KIF15: variants seen among roughly 807,000 people sequenced by gnomAD.
KIF15 encodes kinesin family member 15, also known as kinesin-like protein KIF15.
In KIF15, 140 loss-of-function variants were observed where a neutral mutation model predicts 190.6. That is an observed-to-expected ratio of 0.73 (90% CI 0.64 to 0.84). The LOEUF is 0.84. Ranked by LOEUF, KIF15 falls within the 40% of genes least tolerant of loss-of-function variation. KIF15 has a pLI of 0.00. For synonymous variants in KIF15, 528 were observed against 551.3 expected (o/e 0.96, Z 0.59); for missense variants, 1,372 against 1,584.4 (o/e 0.87, Z 2.28).
chr3:44,786,395 G>T lies in KIF15; in HGVS notation c.460G>T (p.Ala154Ser), dbSNP rs1218308723. ...FSLIDREKEK[A>S]GAGKSFLCKC... ...TCTAAATGAGGCTTCTTTTTTACAGGCTGGAGCTGGAAAGAGTTTCCTTTG... is the reference window on the plus strand; with the variant it reads ...TCTAAATGAGGCTTCTTTTTTACAGTCTGGAGCTGGAAAGAGTTTCCTTTG... The change falls in exon 7 of 35, where the codon GCT becomes TCT. Residue 154 changes from alanine to serine, a missense_variant and splice_region_variant. By Grantham distance (99) the Ala-to-Ser change is moderately conservative. Coordinates refer to ENST00000326047, the MANE Select transcript of KIF15 (RefSeq NM_020242.3). 1 of 1,602,100 alleles carries T rather than the reference G, an allele frequency of 6.2e-7. No homozygotes were observed. Among genetic ancestry groups the T allele is most frequent in the Non-Finnish European group, 8.5e-7 (1 of 1,171,866 alleles).
At chr3:44,835,401 G>A (rs1698262110) in intron 26 of KIF15, among the ~76,000 whole-genome samples, 2 of 152,072 alleles carry the variant, frequency 1.3e-5, no homozygotes, top group Middle Eastern at 3.4e-3. Flanking sequence ...CACCACGCCT[G>A]GCTAATTTTT....
At chr3:44,848,629 C>A in intron 32 of KIF15, 71 bp downstream of exon 32, 3 of 680,176 alleles carry the variant, frequency 4.4e-6, no homozygotes, top group Non-Finnish European at 4.8e-6. Context: ...GAATGATATA[C>A]CACAAGGTAG....
Position 44,813,673 on chromosome 3 carries a change from C to G in KIF15, c.2383+493C>G, listed in dbSNP as rs183826543. The stretch of plus-strand genomic sequence containing the variant: ...GTGGAGTCTTGCTTTGTCACCCAGG[C>G]TGGAGCGCAGTGGCGGGATCTCGGC... On this transcript the variant is annotated intron_variant, in intron 19 of 34. Coordinates refer to ENST00000326047, the MANE Select transcript of KIF15 (RefSeq NM_020242.3). Among the ~76,000 whole-genome samples, 828 of 138,516 alleles carry G rather than the reference C, an allele frequency of 6.0e-3. 3 individuals carry two copies. Among genetic ancestry groups the G allele is most frequent in the Middle Eastern group, 0.028 (6 of 212 alleles). 90.9% of individuals were successfully genotyped at this position (138,516 alleles called of 152,430 possible). A position where few individuals can be genotyped will look rare whatever the true frequency, so the allele number is the denominator to read the frequency against.
rs375356443 is a variant in KIF15, at chr3:44,775,403, C to T, written c.212C>T (p.Thr71Met). 3.6e-5 allele frequency: 58 copies of T among 1,612,838 alleles called. No homozygotes were observed. Among genetic ancestry groups the T allele is most frequent in the Non-Finnish European group, 4.6e-5 (54 of 1,179,552 alleles). ...TCCAACCCTGAGCCCAAGACCTTCACGTTTGATCATGTTGCAGATGTGGAT... is the reference window on the plus strand; with the variant it reads ...TCCAACCCTGAGCCCAAGACCTTCATGTTTGATCATGTTGCAGATGTGGAT... ...LHSNPEPKTF[T>M]FDHVADVDTT... The change falls in exon 3 of 35, where the codon ACG becomes ATG. Residue 71 changes from threonine to methionine, a missense_variant. Coordinates refer to ENST00000326047, the MANE Select transcript of KIF15 (RefSeq NM_020242.3).
At chr3:44,815,112 T>TTGGC in intron 20 of KIF15, 36 bp downstream of exon 20, 1 of 1,509,508 alleles carries the variant, frequency 6.6e-7, no homozygotes. Context: ...AGTTGCCTGA[T>TTGGC]TGGCTGTAAC....
intron 6 of KIF15, chr3:44,862,757 C>T (rs1195134000): frequency 6.6e-6 from 1 of 152,020 alleles, no homozygotes; most frequent in East Asian, 1.9e-4. Context: ...AGACCAGCCT[C>T]TGCTTGCTAT....
chr3:44,775,036 G>T (rs902916425), intron 2 of KIF15, among the ~76,000 whole-genome samples: 2 of 151,950 alleles, frequency 1.3e-5, no homozygotes, highest in African/African-American at 4.8e-5. Context: ...GGAGGTGGAG[G>T]TTGCAGTGAG....
intron 1 of KIF15, among the ~76,000 whole-genome samples, chr3:44,771,672 A>G (rs181061315): frequency 2.1e-3 from 327 of 152,374 alleles, no homozygotes; most frequent in Middle Eastern, 6.8e-3. Flanking sequence ...AGAAATTTTA[A>G]AAAGCAAAAA....
chr3:44,805,799 G>C, intron 15 of KIF15, 46 bp from the exon 16 acceptor site: 2 of 1,543,052 alleles, frequency 1.3e-6, no homozygotes, highest in Non-Finnish European at 1.8e-6. Context: ...ATAAATGTTT[G>C]ACATTACTTA....
At chr3:44,862,822 A>G (rs1384800716) in intron 6 of KIF15, 1 of 152,020 alleles carries the variant, frequency 6.6e-6, no homozygotes, top group East Asian at 1.9e-4. Flanking sequence ...GACAGTGGTC[A>G]CTGATTATTT....
At chr3:44,861,623 C>T (rs1699247256) in intron 6 of KIF15, among the ~76,000 whole-genome samples, 1 of 152,174 alleles carries the variant, frequency 6.6e-6, no homozygotes, top group Non-Finnish European at 1.5e-5. Flanking sequence ...GGGATGGAGA[C>T]GGCTAAGCCG....
At chr3:44,800,563 T>G in intron 11 of KIF15, 126 bp downstream of exon 11, 1 of 895,384 alleles carries the variant, frequency 1.1e-6, no homozygotes, top group African/African-American at 1.7e-5. Flanking sequence ...TTTCTGCTTA[T>G]TTCTCCTATA....
At chr3:44,845,466 A>G (rs1018118189) in intron 30 of KIF15, among the ~76,000 whole-genome samples, 9 of 152,262 alleles carry the variant, frequency 5.9e-5, no homozygotes, top group Admixed American at 1.3e-4. Flanking sequence ...TCTTCAATCA[A>G]TTTTGAACCC....
chr3:44,864,237 C>T lies in KIF15; in HGVS notation c.*60-9092C>T, dbSNP rs767977537. 13 of 1,614,128 alleles carry T rather than the reference C, an allele frequency of 8.1e-6. No homozygotes were observed. The highest frequency in any genetic ancestry group is 4.4e-5 in the South Asian group (4 of 91,076). On this transcript the variant is annotated intron_variant and NMD_transcript_variant, in intron 6 of 6. Coordinates refer to the KIF15 transcript ENST00000422209. Reference sequence around the variant, plus strand: ...TGCGTCTTAGGCATTATTGTGATGGCGAGCACCAATTCTCTGATGTGGACC... The same window carrying T: ...TGCGTCTTAGGCATTATTGTGATGGTGAGCACCAATTCTCTGATGTGGACC...
At chr3:44,821,698 C>A (rs1043407591) in intron 20 of KIF15, among the ~76,000 whole-genome samples, 1 of 152,152 alleles carries the variant, frequency 6.6e-6, no homozygotes, top group Non-Finnish European at 1.5e-5. Flanking sequence ...CAGGCAGAGA[C>A]GCTCCTCACT....
chr3:44,822,402 G>A (rs1353147296), intron 20 of KIF15, among the ~76,000 whole-genome samples: 1 of 152,238 alleles, frequency 6.6e-6, no homozygotes, highest in East Asian at 1.9e-4. Context: ...TCCCTTTGTG[G>A]GTAACCCGAC....
chr3:44,779,793 C>T (rs1160291405), intron 4 of KIF15, among the ~76,000 whole-genome samples: 1 of 147,916 alleles, frequency 6.8e-6, no homozygotes, highest in South Asian at 2.1e-4. Flanking sequence ...GAGATCGTGC[C>T]ACTGCACTCC....
At chr3:44,860,812 TG>T (rs1458438245) in intron 6 of KIF15, among the ~76,000 whole-genome samples, 1 of 152,208 alleles carries the variant, frequency 6.6e-6, no homozygotes, top group Non-Finnish European at 1.5e-5. Flanking sequence ...AAATCATTTT[TG>T]TTTAAAAAAT....
intron 6 of KIF15, among the ~76,000 whole-genome samples, chr3:44,861,005 T>C (rs1188354539): frequency 2.0e-5 from 3 of 152,166 alleles, no homozygotes; most frequent in African/African-American, 7.2e-5. Flanking sequence ...TTATTTTTAT[T>C]TTTTGAGACG....
Sources: gnomAD v4.1 joint callset for allele counts (sites outside exome capture counted in the v4.1 genomes callset) on GRCh38, gnomAD v4.1.1 for gene constraint, MANE v1.5 for transcripts, NCBI Gene and HGNC (gene_info 2026-07-23, HGNC 2026-07-21) for gene names.